Variants in PPARA observed in about 807,000 individuals in gnomAD.
PPARA encodes the protein peroxisome proliferator-activated receptor alpha.
Under a neutral mutation model 42.2 loss-of-function variants are expected in PPARA, and 22 were observed. The observed-to-expected ratio is 0.52, with a 90% confidence interval of 0.37 to 0.74. The LOEUF (loss-of-function observed/expected upper bound fraction) is 0.74, where lower values mean the gene tolerates loss of function less well. PPARA is among the 30% of genes least tolerant of loss of function. The probability of loss-of-function intolerance (pLI) is 0.00; values close to 1 mark genes in which losing one functional copy is unlikely to be tolerated. For missense variants in PPARA, 465 were observed against 608.2 expected, an observed-to-expected ratio of 0.76 and a Z score of 2.48; for synonymous variants, 242 against 239.3, an observed-to-expected ratio of 1.01 and a Z score of -0.10.
rs143794029 is a variant in PPARA, at chr22:46,181,322, A to G, written c.-43+4486A>G. 4.0e-3 allele frequency among the ~76,000 whole-genome samples: 609 copies of G among 152,202 alleles called. 3 individuals are homozygous for G. Among genetic ancestry groups the G allele is most frequent in the African/African-American group, 0.014 (564 of 41,528 alleles). Reference sequence around the variant, plus strand: ...CTGTGTGCTCTGAGGCGAGTGTGTGATTGACCAGAACCAGGGCATCACATA... The same window carrying G: ...CTGTGTGCTCTGAGGCGAGTGTGTGGTTGACCAGAACCAGGGCATCACATA... On this transcript the variant is annotated intron_variant, in intron 3 of 8. Transcript: ENST00000407236.
At chr22:46,214,738 G>A (rs1343730309) in intron 4 of PPARA, among the ~76,000 whole-genome samples, 1 of 151,592 alleles carries the variant, frequency 6.6e-6, no homozygotes, top group African/African-American at 2.4e-5. Flanking sequence ...CTGAAGATGT[G>A]TGGATGGGAG....
Position 46,243,305 on chromosome 22 carries a change from A to C in PPARA, c.*7925A>C, listed in dbSNP as rs867764759. On this transcript the variant is annotated 3_prime_UTR_variant, in exon 9 of 9. Transcript: ENST00000407236. The surrounding 1 kb of genome is among the most constrained non-coding windows in gnomAD (Gnocchi z 5.0). ...CCAGACTCTCCACATGTGCTCTACT[A>C]GTGAGTGCCTTATACTCTCAGTATT... 6.6e-6 allele frequency: 1 copy of C among 152,284 alleles called. No homozygotes were observed. The highest frequency in any genetic ancestry group is 2.1e-4 in the South Asian group (1 of 4,822). 9.4% of individuals were successfully genotyped at this position (152,284 alleles called of 1,614,324 possible).
rs1179543117 is a variant in PPARA at position 46,227,998 on chromosome 22, G to A, written c.712-3794G>A. Among the ~76,000 whole-genome samples, 3 of 152,100 alleles carry A rather than the reference G, an allele frequency of 2.0e-5. No homozygotes were observed. The highest frequency in any genetic ancestry group is 4.4e-5 in the Non-Finnish European group (3 of 68,028). On this transcript the variant is annotated intron_variant, in intron 7 of 8. Coordinates refer to ENST00000407236, the MANE Select transcript of PPARA (RefSeq NM_005036.6). The surrounding 1 kb of genome is among the most constrained non-coding windows in gnomAD (Gnocchi z 4.3). ...GGTACCACTCATTTTGAATTCAGTGGTCTCCAGTTCTCCCTGCTAAATGAG... is the reference window on the plus strand; with the variant it reads ...GGTACCACTCATTTTGAATTCAGTGATCTCCAGTTCTCCCTGCTAAATGAG...
chr22:46,164,540 A>C (rs1926747199), intron 2 of PPARA: 1 of 152,328 alleles, frequency 6.6e-6, no homozygotes, highest in Non-Finnish European at 1.5e-5. Context: ...GGCATGAGCC[A>C]CTGCACCCGG....
At chr22:46,217,184 A>G (rs13056831) in intron 5 of PPARA, among the ~76,000 whole-genome samples, 4 of 152,052 alleles carry the variant, frequency 2.6e-5, no homozygotes, top group Admixed American at 6.5e-5. Context: ...AGCCTAGGTA[A>G]GGACATTATG....
Position 46,230,659 on chromosome 22 carries a change from G to C in PPARA, c.712-1133G>C, listed in dbSNP as rs962657885. On this transcript the variant is annotated intron_variant, in intron 7 of 8. Transcript: ENST00000407236. The surrounding 1 kb of genome is among the most constrained non-coding windows in gnomAD (Gnocchi z 5.0). The stretch of plus-strand genomic sequence containing the variant: ...CTGGGTTTACATGCAGATGGCATGG[G>C]AGCACACAAGGCACGGCTGTGGGGA... Among the ~76,000 whole-genome samples, 1 of 152,186 alleles carries C rather than the reference G, an allele frequency of 6.6e-6. No homozygotes were observed. Among genetic ancestry groups the C allele is most frequent in the Non-Finnish European group, 1.5e-5 (1 of 68,020 alleles).
rs1926589230 is a variant in PPARA at position 46,163,780 on chromosome 22, G to A, written c.-127+11810G>A. The A allele has an allele frequency of 6.6e-6, 1 of 152,222 alleles. No homozygotes were observed. The highest frequency in any genetic ancestry group is 1.5e-5 in the Non-Finnish European group (1 of 68,058). 9.4% of individuals were successfully genotyped at this position (152,222 alleles called of 1,614,324 possible). On this transcript the variant is annotated intron_variant, in intron 2 of 8. Coordinates refer to ENST00000407236, the MANE Select transcript of PPARA (RefSeq NM_005036.6). This position sits in a 1 kb window ranked among gnomAD's most constrained non-coding sequence, Gnocchi z 4.9. ...CAGGGCTGGCTCCCTGATGTCCTTG[G>A]AGAAGTCGCCCACACTGCTTTCCCC...
rs34052175 is a variant in PPARA, at chr22:46,207,644, TTTATTATTA to T, written c.209-7502_209-7494del. Among the ~76,000 whole-genome samples, 176 of 91,656 alleles carry T rather than the reference TTTATTATTA, an allele frequency of 1.9e-3. 2 individuals carry two copies. Among genetic ancestry groups the T allele is most frequent in the Middle Eastern group, 0.018 (2 of 112 alleles). The allele number at this position is 91,656 out of a possible 152,430, so 60.1% of individuals were successfully genotyped here. A position where few individuals can be genotyped will look rare whatever the true frequency, so the allele number is the denominator to read the frequency against. ...TATCTTCTTGTTTTTAATTAATTAATTTATTATTATTATTATTATTATTATTATTATTAT... is the reference window on the plus strand; with the variant it reads ...TATCTTCTTGTTTTTAATTAATTAATTTATTATTATTATTATTATTATTAT... On this transcript the variant is annotated intron_variant, in intron 4 of 8. Transcript: ENST00000407236.
Position 46,235,448 on chromosome 22 carries a change from G to T in PPARA, c.*68G>T. ...TGACAGCACTACAAAGGAGACGGGGGAGCAGCACGATTTTGCACAAATATC... is the reference window on the plus strand; with the variant it reads ...TGACAGCACTACAAAGGAGACGGGGTAGCAGCACGATTTTGCACAAATATC... On this transcript the variant is annotated 3_prime_UTR_variant, in exon 9 of 9. Transcript: ENST00000407236. The surrounding 1 kb of genome is among the most constrained non-coding windows in gnomAD (Gnocchi z 7.0). 1.9e-6 allele frequency: 3 copies of T among 1,582,846 alleles called. No homozygotes were observed. Among genetic ancestry groups the T allele is most frequent in the Non-Finnish European group, 2.6e-6 (3 of 1,165,184 alleles).
In PPARA at chr22:46,183,065, GA is replaced by G. The variant is rs926991311; in HGVS notation, c.-43+6236del. ...GGGCCCATAAAGCTGTCTTTTAAAT[GA>G]AAAAAAGTTGTCTTGAAATAAGCAT... On this transcript the variant is annotated intron_variant, in intron 3 of 8. Transcript: ENST00000407236. This position sits in a 1 kb window ranked among gnomAD's most constrained non-coding sequence, Gnocchi z 5.5. Among the ~76,000 whole-genome samples, 5 of 152,086 alleles carry G rather than the reference GA, an allele frequency of 3.3e-5. No individual in the cohort carries two copies. Among genetic ancestry groups the G allele is most frequent in the African/African-American group, 1.2e-4 (5 of 41,426 alleles).
chr22:46,204,467 T>G lies in PPARA; in HGVS notation c.208+5876T>G, dbSNP rs1933034918. Among the ~76,000 whole-genome samples the G allele has an allele frequency of 6.6e-6, 1 of 152,212 alleles. No homozygotes were observed. The highest frequency in any genetic ancestry group is 2.4e-5 in the African/African-American group (1 of 41,460). On this transcript the variant is annotated intron_variant, in intron 4 of 8. Transcript: ENST00000407236. This position sits in a 1 kb window ranked among gnomAD's most constrained non-coding sequence, Gnocchi z 5.2. ...AAAAATCTTAGAAAATGCTATACTA[T>G]GTTATATTCCCACTGGCAGTATATG...
At chr22:46,215,420 A>C (rs1934386003) in intron 5 of PPARA, 87 bp downstream of exon 5, 1 of 1,553,044 alleles carries the variant, frequency 6.4e-7, no homozygotes, top group Non-Finnish European at 8.8e-7. Context: ...CATTACTGAG[A>C]GATTGCAGAA....
In PPARA at chr22:46,188,744, T is replaced by G. The variant is rs1347605147; in HGVS notation, c.-42-9598T>G. On this transcript the variant is annotated intron_variant, in intron 3 of 8. Transcript: ENST00000407236. This position sits in a 1 kb window ranked among gnomAD's most constrained non-coding sequence, Gnocchi z 5.0. The stretch of plus-strand genomic sequence containing the variant: ...CCAGTGCCACACCCCCCTGTCCCAG[T>G]GCACTGGGGCTGTGGATCCCTTCAA... The G allele has an allele frequency of 6.6e-6, 1 of 152,232 alleles. No individual in the cohort carries two copies. The highest frequency in any genetic ancestry group is 1.5e-5 in the Non-Finnish European group (1 of 68,052). The allele number at this position is 152,232 out of a possible 1,614,324, so 9.4% of individuals were successfully genotyped here.
intron 4 of PPARA, among the ~76,000 whole-genome samples, chr22:46,202,342 A>C (rs192368499): frequency 6.6e-6 from 1 of 152,320 alleles, no homozygotes; most frequent in African/African-American, 2.4e-5. Context: ...GACAGAGGTA[A>C]GGCTTGAGAA....
At chr22:46,218,663 G>A (rs1448642250) in intron 6 of PPARA, among the ~76,000 whole-genome samples, 2 of 151,578 alleles carry the variant, frequency 1.3e-5, no homozygotes, top group African/African-American at 2.4e-5. Flanking sequence ...GTGAAACCCC[G>A]TCTCTACTAA....
Position 46,167,336 on chromosome 22 carries a change from A to G in PPARA, c.-126-9417A>G, listed in dbSNP as rs567438495. Among the ~76,000 whole-genome samples the G allele has an allele frequency of 2.0e-5, 3 of 151,992 alleles. No homozygotes were observed. Among genetic ancestry groups the G allele is most frequent in the African/African-American group, 7.2e-5 (3 of 41,474 alleles). On this transcript the variant is annotated intron_variant, in intron 2 of 8. Transcript: ENST00000407236. This position sits in a 1 kb window ranked among gnomAD's most constrained non-coding sequence, Gnocchi z 4.1. The stretch of plus-strand genomic sequence containing the variant: ...GTTATGTCATATAATTATTATTGAA[A>G]TGGGTCATAGATCTAATTGTAAGAG...
At chr22:46,205,017 A>C (rs1268637215) in intron 4 of PPARA, among the ~76,000 whole-genome samples, 1 of 150,066 alleles carries the variant, frequency 6.7e-6, no homozygotes, top group Non-Finnish European at 1.5e-5. Context: ...ACAGGTGTGT[A>C]CCACCATGCT....
chr22:46,176,481 G>A (rs757145353), intron 2 of PPARA, among the ~76,000 whole-genome samples: 7 of 152,076 alleles, frequency 4.6e-5, no homozygotes, highest in Non-Finnish European at 8.8e-5. Flanking sequence ...GTGAGACTCC[G>A]TATCAGTACT....
Position 46,163,079 on chromosome 22 carries a change from C to T in PPARA, c.-127+11109C>T, listed in dbSNP as rs1235130381. Among the ~76,000 whole-genome samples, 2 of 152,130 alleles carry T rather than the reference C, an allele frequency of 1.3e-5. No homozygotes were observed. Among genetic ancestry groups the T allele is most frequent in the African/African-American group, 4.8e-5 (2 of 41,450 alleles). ...AGGCACGGAGGGAAACTGAGAGCAGCCTGCAGAGGGGAAAGAGCGGGGACA... is the reference window on the plus strand; with the variant it reads ...AGGCACGGAGGGAAACTGAGAGCAGTCTGCAGAGGGGAAAGAGCGGGGACA... On this transcript the variant is annotated intron_variant, in intron 2 of 8. Coordinates refer to ENST00000407236, the MANE Select transcript of PPARA (RefSeq NM_005036.6). The surrounding 1 kb of genome is among the most constrained non-coding windows in gnomAD (Gnocchi z 4.9).
Sources: allele counts gnomAD v4.1 joint callset (sites outside exome capture counted in the v4.1 genomes callset), GRCh38; gene constraint gnomAD v4.1.1; non-coding constraint Gnocchi (gnomAD v3.1); transcripts MANE v1.5; gene names NCBI Gene and HGNC (gene_info 2026-07-23, HGNC 2026-07-21).